The following YEATS4 variants were observed in gnomAD, a reference collection of about 807,000 sequenced individuals.
YEATS4 encodes YEATS domain-containing protein 4.
A neutral mutation model predicts 30.1 loss-of-function variants in YEATS4; 17 were observed. That is an observed-to-expected ratio of 0.56 (90% confidence interval 0.39 to 0.85). YEATS4 has a LOEUF of 0.85. Among genes scored for constraint, YEATS4 ranks in the 40% least tolerant of loss-of-function variants. The probability of loss-of-function intolerance (pLI) is 0.00; values close to 1 mark genes in which losing one functional copy is unlikely to be tolerated. For synonymous variants in YEATS4, 85 were observed against 87.5 expected, an observed-to-expected ratio of 0.97 and a Z score of 0.16; for missense variants, 142 against 268.3, an observed-to-expected ratio of 0.53 and a Z score of 3.29.
chr12:69,419,034 T>C, the YEATS4 span, among the ~76,000 whole-genome samples: 1 of 147,614 alleles, frequency 6.8e-6, no homozygotes, highest in Non-Finnish European at 1.5e-5. Flanking sequence ...TATATATATA[T>C]GTATATGAGG....
At chr12:69,388,487 A>G (rs1371235373) in intron 6 of YEATS4, among the ~76,000 whole-genome samples, 2 of 152,208 alleles carry the variant, frequency 1.3e-5, no homozygotes, top group East Asian at 1.9e-4. Flanking sequence ...TCTGGCTTCC[A>G]ATTAGTGACC....
At chr12:69,420,210 T>TA in the YEATS4 span, among the ~76,000 whole-genome samples, 1 of 152,202 alleles carries the variant, frequency 6.6e-6, no homozygotes, top group Non-Finnish European at 1.5e-5. Flanking sequence ...AGCAATGTTT[T>TA]AAAAAGATAA....
At chr12:69,425,435 C>T in the YEATS4 span, among the ~76,000 whole-genome samples, 10 of 152,198 alleles carry the variant, frequency 6.6e-5, no homozygotes, top group African/African-American at 2.4e-4. Context: ...GCCTGACTGG[C>T]TTCTGAGCTG....
At chr12:69,422,559 A>C in the YEATS4 span, 1 of 146,728 alleles carries the variant, frequency 6.8e-6, no homozygotes, top group Non-Finnish European at 1.5e-5. Flanking sequence ...ACAGCCCCGG[A>C]CGTCAAGGCT....
chr12:69,389,247 C>T lies in YEATS4; in HGVS notation c.515-900C>T, dbSNP rs541088022. On this transcript the variant is annotated intron_variant, in intron 6 of 6. Coordinates refer to ENST00000247843, the MANE Select transcript of YEATS4 (RefSeq NM_006530.4). Reference sequence around the variant, plus strand: ...GGCGGATTGCCTGAGCTCAGGAGTTCGCAGTCAGCCTGGGCAACACGGTGA... The same window carrying T: ...GGCGGATTGCCTGAGCTCAGGAGTTTGCAGTCAGCCTGGGCAACACGGTGA... Among the ~76,000 whole-genome samples the T allele has an allele frequency of 2.0e-5, 3 of 151,960 alleles. No homozygotes were observed. The East Asian group carries it at 5.9e-4, about 30-fold the overall frequency.
intron 1 of YEATS4, among the ~76,000 whole-genome samples, chr12:69,362,013 G>GTTT (rs533225716): frequency 0.017 from 1,181 of 68,760 alleles, 44 homozygotes; most frequent in African/African-American, 0.046. Context: ...GTGTTTGGTT[G>GTTT]TTTTTTTTTT....
At chr12:69,396,187 ATTCT>A in the YEATS4 span, among the ~76,000 whole-genome samples, 3 of 152,130 alleles carry the variant, frequency 2.0e-5, no homozygotes, top group Non-Finnish European at 4.4e-5. Context: ...CCCTTAGTAA[ATTCT>A]TTATTGTTGC....
chr12:69,417,319 C>T, the YEATS4 span, among the ~76,000 whole-genome samples: 1 of 150,996 alleles, frequency 6.6e-6, no homozygotes, highest in Admixed American at 6.6e-5. Flanking sequence ...GCCATCACAC[C>T]TGGCTAATTT....
chr12:69,407,747 G>C, the YEATS4 span, among the ~76,000 whole-genome samples: 1 of 48,868 alleles, frequency 2.0e-5, no homozygotes, highest in South Asian at 6.2e-4. Context: ...ATGGACTTTT[G>C]CTCTTGTTGC....
intron 6 of YEATS4, among the ~76,000 whole-genome samples, chr12:69,386,009 G>C (rs1478464): frequency 0.35 from 53,237 of 152,084 alleles, 10,842 homozygotes; most frequent in Non-Finnish European, 0.46. Flanking sequence ...CCAGTATGCT[G>C]AACTGACTTT....
intron 6 of YEATS4, among the ~76,000 whole-genome samples, chr12:69,380,409 G>A (rs117854822): frequency 1.6e-4 from 24 of 152,368 alleles, no homozygotes; most frequent in Non-Finnish European, 2.6e-4. Context: ...CTCTGGATTA[G>A]CAGGCAGAGA....
At chr12:69,408,124 T>C in the YEATS4 span, among the ~76,000 whole-genome samples, 1 of 152,170 alleles carries the variant, frequency 6.6e-6, no homozygotes, top group African/African-American at 2.4e-5. Context: ...GAGTGTCTTA[T>C]GTGGAGAGGA....
Position 69,359,889 on chromosome 12 carries a change from A to C in YEATS4, c.-84A>C. 6.4e-7 allele frequency: 1 copy of C among 1,556,180 alleles called. No individual in the cohort carries two copies. Among genetic ancestry groups the C allele is most frequent in the South Asian group, 1.1e-5 (1 of 88,270 alleles). On this transcript the variant is annotated 5_prime_UTR_variant, in exon 1 of 7. Coordinates refer to ENST00000247843, the MANE Select transcript of YEATS4 (RefSeq NM_006530.4). Reference sequence around the variant, plus strand: ...AACCCTCCGCCTGGGCCCGCGCGACAGGAGCGCGGTCTCTGAGGGGAGCGG... The same window carrying C: ...AACCCTCCGCCTGGGCCCGCGCGACCGGAGCGCGGTCTCTGAGGGGAGCGG...
In YEATS4 at chr12:69,359,881, C is replaced by T; in HGVS notation, c.-92C>T. On this transcript the variant is annotated 5_prime_UTR_variant, in exon 1 of 7. Transcript: ENST00000247843. ...CGGCTAGAAACCCTCCGCCTGGGCC[C>T]GCGCGACAGGAGCGCGGTCTCTGAG... 6.5e-7 allele frequency: 1 copy of T among 1,529,924 alleles called. No individual in the cohort carries two copies. Among genetic ancestry groups the T allele is most frequent in the Middle Eastern group, 1.8e-4 (1 of 5,450 alleles). 94.8% of individuals were successfully genotyped at this position (1,529,924 alleles called of 1,614,324 possible). A position where few individuals can be genotyped will look rare whatever the true frequency, so the allele number is the denominator to read the frequency against.
chr12:69,399,120 C>T, the YEATS4 span, among the ~76,000 whole-genome samples: 2 of 151,878 alleles, frequency 1.3e-5, no homozygotes, highest in Non-Finnish European at 2.9e-5. Context: ...GCACTCCAGC[C>T]TGGGCAACAG....
chr12:69,363,411 A>C (rs1001582903), intron 2 of YEATS4, among the ~76,000 whole-genome samples: 4 of 152,220 alleles, frequency 2.6e-5, no homozygotes, highest in African/African-American at 9.6e-5. Context: ...ACTAGAAATC[A>C]ATTTTCCAAA....
intron 6 of YEATS4, among the ~76,000 whole-genome samples, chr12:69,383,526 A>C (rs1173225626): frequency 2.0e-5 from 3 of 152,234 alleles, no homozygotes; most frequent in Admixed American, 2.0e-4. Flanking sequence ...TAACCAGCAA[A>C]GGGAATGAAG....
At chr12:69,361,981 TTAA>T (rs1218879906) in intron 1 of YEATS4, among the ~76,000 whole-genome samples, 1 of 151,258 alleles carries the variant, frequency 6.6e-6, no homozygotes, top group African/African-American at 2.4e-5. Flanking sequence ...TTTCTAAGCG[TTAA>T]TGTTTTTTAA....
At chr12:69,379,366 T>G (rs1473283147) in intron 6 of YEATS4, among the ~76,000 whole-genome samples, 2 of 152,046 alleles carry the variant, frequency 1.3e-5, no homozygotes, top group East Asian at 3.9e-4. Context: ...CCTCTCTCTC[T>G]CTATCTCCTC....
Sources: allele counts gnomAD v4.1 joint callset (sites outside exome capture counted in the v4.1 genomes callset), GRCh38; gene constraint gnomAD v4.1.1; transcripts MANE v1.5; gene names NCBI Gene and HGNC (gene_info 2026-07-23, HGNC 2026-07-21).